KCNK10: variants seen among roughly 807,000 people sequenced by gnomAD.
The protein encoded by KCNK10 is potassium channel subfamily K member 10.
KCNK10 carries 25 observed loss-of-function variants against 47.7 expected under a neutral mutation model. The observed-to-expected ratio is 0.52, with a 90% CI of 0.38 to 0.73. The LOEUF (loss-of-function observed/expected upper bound fraction) is 0.73, where lower values mean the gene tolerates loss of function less well. KCNK10 is among the 30% of genes least tolerant of loss of function. The probability of loss-of-function intolerance (pLI) is 0.00; values close to 1 mark genes in which losing one functional copy is unlikely to be tolerated. For synonymous variants in KCNK10, 303 were observed against 285.6 expected, an observed-to-expected ratio of 1.06 and a Z score of -0.61; for missense variants, 563 against 714.5, an observed-to-expected ratio of 0.79 and a Z score of 2.42.
intron 3 of KCNK10, among the ~76,000 whole-genome samples, chr14:88,231,906 G>A (rs578044996): frequency 3.9e-5 from 6 of 152,306 alleles, no homozygotes; most frequent in Admixed American, 3.9e-4. Context: ...GAGTAGCGCT[G>A]CTTTTCAGAA....
chr14:88,220,860 G>A (rs924754777), intron 4 of KCNK10, among the ~76,000 whole-genome samples: 8 of 151,888 alleles, frequency 5.3e-5, no homozygotes, highest in African/African-American at 1.9e-4. Context: ...TGATAAGCTG[G>A]ACTTCATTAA....
intron 4 of KCNK10, among the ~76,000 whole-genome samples, chr14:88,216,067 T>C (rs1170147288): frequency 6.6e-6 from 1 of 152,192 alleles, no homozygotes; most frequent in African/African-American, 2.4e-5. Context: ...TGAAGAATAA[T>C]AGCAGAACAA....
At chr14:88,252,984 G>A (rs1886841954) in intron 2 of KCNK10, among the ~76,000 whole-genome samples, 1 of 152,162 alleles carries the variant, frequency 6.6e-6, no homozygotes, top group Admixed American at 6.5e-5. Flanking sequence ...AAGCCAAGGA[G>A]AGTACGATTA....
At position 88,323,120 on chromosome 14, in the gene KCNK10, C is replaced by G; in HGVS notation, c.-322G>C. ...GGAGATGGAAGAGCCAAGCTGCTTC[C>G]CAAAAGCGGTGCCGGCAGGTTAGGG... is the stretch of plus-strand genomic sequence containing the variant. On this transcript the variant is annotated 5_prime_UTR_variant, in exon 1 of 7. Coordinates refer to ENST00000319231, the MANE Select transcript of KCNK10 (RefSeq NM_138317.3). 8.5e-7 allele frequency: 1 copy of G among 1,181,174 alleles called. No homozygotes were observed. The highest frequency in any genetic ancestry group is 2.0e-5 in the South Asian group (1 of 50,788). 73.2% of individuals were successfully genotyped at this position (1,181,174 alleles called of 1,614,324 possible).
In KCNK10 at chr14:88,182,941, C is replaced by G. The variant is rs536653534; in HGVS notation, c.*2594G>C. 2.0e-5 allele frequency: 3 copies of G among 152,348 alleles called. No individual in the cohort carries two copies. Among genetic ancestry groups the G allele is most frequent in the African/African-American group, 7.2e-5 (3 of 41,504 alleles). 9.4% of individuals were successfully genotyped at this position (152,348 alleles called of 1,614,324 possible). ...TACAGTAGGTGTCTGCAGGGGCAAC[C>G]CTTTGAGCCATGTTTACACAAAGAC... On this transcript the variant is annotated 3_prime_UTR_variant, in exon 7 of 7. Coordinates refer to ENST00000319231, the MANE Select transcript of KCNK10 (RefSeq NM_138317.3).
At chr14:88,309,906 G>A (rs1307643964) in intron 1 of KCNK10, among the ~76,000 whole-genome samples, 1 of 151,854 alleles carries the variant, frequency 6.6e-6, no homozygotes, top group Non-Finnish European at 1.5e-5. Context: ...TGACCTTCCT[G>A]GCACTCCTGC....
intron 4 of KCNK10, among the ~76,000 whole-genome samples, chr14:88,197,586 A>T: frequency 7.5e-6 from 1 of 133,348 alleles, no homozygotes; most frequent in Non-Finnish European, 1.5e-5. Context: ...AAAAAAAAAA[A>T]AAAAAAAAAA....
chr14:88,276,192 G>T (rs958628293), intron 1 of KCNK10, among the ~76,000 whole-genome samples: 1 of 151,392 alleles, frequency 6.6e-6, no homozygotes, highest in Non-Finnish European at 1.5e-5. Context: ...TTAGGAGGTG[G>T]GGGCTTTGGG....
rs947035635 is a variant in KCNK10, at chr14:88,254,868, G to A, written c.402+8334C>T. On this transcript the variant is annotated intron_variant, in intron 2 of 6. Coordinates refer to ENST00000319231, the MANE Select transcript of KCNK10 (RefSeq NM_138317.3). ...ATAATTATCTTTGTCTACTCGGTTC[G>A]CTTGAGAGAAGAAAGACGGGTGGGA... 4.8e-5 allele frequency among the ~76,000 whole-genome samples: 7 copies of A among 147,192 alleles called. No individual in the cohort carries two copies. The East Asian group carries it at 6.8e-4, about 14-fold the overall frequency.
intron 1 of KCNK10, chr14:88,270,809 T>G (rs751249403): frequency 6.4e-6 from 5 of 780,934 alleles, no homozygotes; most frequent in Non-Finnish European, 1.2e-5. Context: ...ATGTACATGG[T>G]GTGTCACTCT....
At chr14:88,188,997 C>G (rs1884659830) in intron 5 of KCNK10, among the ~76,000 whole-genome samples, 2 of 152,226 alleles carry the variant, frequency 1.3e-5, no homozygotes, top group East Asian at 1.9e-4. Context: ...GCCTCAATCT[C>G]TCTCTGGGAA....
chr14:88,293,625 T>C (rs1295298921), intron 1 of KCNK10, among the ~76,000 whole-genome samples: 2 of 151,936 alleles, frequency 1.3e-5, no homozygotes, highest in South Asian at 2.1e-4. Context: ...TGGACTTCAA[T>C]ACCTCCAAAC....
intron 1 of KCNK10, among the ~76,000 whole-genome samples, chr14:88,273,534 G>A (rs1170967383): frequency 2.6e-5 from 4 of 152,082 alleles, no homozygotes; most frequent in African/African-American, 7.2e-5. Flanking sequence ...CTCACCCTCC[G>A]ACCCAGGGCA....
At chr14:88,280,776 C>A (rs952682132) in intron 1 of KCNK10, among the ~76,000 whole-genome samples, 2 of 152,108 alleles carry the variant, frequency 1.3e-5, no homozygotes. Flanking sequence ...TCCCTCTGTC[C>A]CCCTGGCCCT....
At chr14:88,241,574 C>T (rs1221098573) in intron 2 of KCNK10, among the ~76,000 whole-genome samples, 3 of 152,076 alleles carry the variant, frequency 2.0e-5, no homozygotes, top group Non-Finnish European at 4.4e-5. Flanking sequence ...AATTGGAATT[C>T]CATACACCTT....
chr14:88,189,781 T>C (rs998913933), intron 5 of KCNK10, among the ~76,000 whole-genome samples: 5 of 152,170 alleles, frequency 3.3e-5, no homozygotes, highest in African/African-American at 4.8e-5. Flanking sequence ...CTTGTTAATG[T>C]ATCGTTTTCC....
Position 88,182,577 on chromosome 14 carries a change from C to T in KCNK10, c.*2958G>A, listed in dbSNP as rs1448789365. On this transcript the variant is annotated 3_prime_UTR_variant, in exon 7 of 7. Transcript: ENST00000319231. ...TAAACACTTTGCACACATATTTAAT[C>T]GATCAATCACCATAGAGGATCTTCT... 6.6e-6 allele frequency: 1 copy of T among 152,306 alleles called. No individual in the cohort carries two copies. Among genetic ancestry groups the T allele is most frequent in the African/African-American group, 2.4e-5 (1 of 41,442 alleles). The allele number at this position is 152,306 out of a possible 1,614,324, so 9.4% of individuals were successfully genotyped here.
At chr14:88,197,318 G>A (rs1024262312) in intron 4 of KCNK10, among the ~76,000 whole-genome samples, 2 of 152,050 alleles carry the variant, frequency 1.3e-5, no homozygotes, top group African/African-American at 4.8e-5. Context: ...GGCCAGGCAT[G>A]CTGGCTCACA....
chr14:88,313,162 G>A (rs546859003), intron 1 of KCNK10, among the ~76,000 whole-genome samples: 4 of 152,200 alleles, frequency 2.6e-5, no homozygotes, highest in Non-Finnish European at 5.9e-5. Flanking sequence ...CATTCAGAAA[G>A]CAGAGATAAT....
Sources: allele counts gnomAD v4.1 joint callset (sites outside exome capture counted in the v4.1 genomes callset), GRCh38; gene constraint gnomAD v4.1.1; transcripts MANE v1.5; gene names NCBI Gene and HGNC (gene_info 2026-07-23, HGNC 2026-07-21).